The following PCDHA11 variants were observed in gnomAD, a reference collection of about 807,000 sequenced individuals.
PCDHA11 encodes the protein protocadherin alpha-11.
A neutral mutation model predicts 70.3 loss-of-function variants in PCDHA11; 61 were observed. That is an observed-to-expected ratio of 0.87 (90% CI 0.71 to 1.07). PCDHA11 has a LOEUF of 1.07. Among genes scored for constraint, PCDHA11 ranks in the 50% least tolerant of loss-of-function variants. PCDHA11 has a pLI of 0.00. For synonymous variants in PCDHA11, 633 were observed against 555.1 expected (o/e 1.14, Z -1.97); for missense variants, 1,324 against 1,237.5 (o/e 1.07, Z -1.05).
At chr5:140,930,208 A>G (rs939593947) in intron 1 of PCDHA11, 39 of 152,338 alleles carry the variant, frequency 2.6e-4, no homozygotes, top group African/African-American at 8.2e-4. Flanking sequence ...AGAAATATTT[A>G]TGTGTTCAAA....
At chr5:140,930,306 CAT>C (rs1554207728) in intron 1 of PCDHA11, 1 of 152,052 alleles carries the variant, frequency 6.6e-6, no homozygotes, top group East Asian at 1.9e-4. Context: ...AAGTAAATAT[CAT>C]ATTTGAGAGT....
intron 1 of PCDHA11, chr5:140,929,246 C>A: frequency 6.2e-7 from 1 of 1,613,738 alleles, no homozygotes; most frequent in Non-Finnish European, 8.5e-7. Flanking sequence ...AATCTTGCCA[C>A]TGGGGTAGGA....
chr5:140,941,191 T>TTTCTTTCTTTCTTTC lies in PCDHA11; in HGVS notation c.2392-37756_2392-37755insCTTTCTTTCTTTCTT, dbSNP rs1487503403. Among the ~76,000 whole-genome samples, 17 of 93,258 alleles carry TTTCTTTCTTTCTTTC rather than the reference T, an allele frequency of 1.8e-4. No individual in the cohort carries two copies. The South Asian group carries it at 2.0e-3, about 11-fold the overall frequency. The allele number at this position is 93,258 out of a possible 152,430, so 61.2% of individuals were successfully genotyped here. A position where few individuals can be genotyped will look rare whatever the true frequency, so the allele number is the denominator to read the frequency against. ...CATCTTGAACATCCTGCTTCTTTTT[T>TTTCTTTCTTTCTTTC]TTTCTTTCTTCCTTTCTTTCTTCCT... On this transcript the variant is annotated intron_variant, in intron 1 of 3. Coordinates refer to ENST00000398640, the MANE Select transcript of PCDHA11 (RefSeq NM_018902.5).
intron 1 of PCDHA11, among the ~76,000 whole-genome samples, chr5:140,909,911 A>T (rs747486870): frequency 1.3e-5 from 2 of 152,144 alleles, no homozygotes; most frequent in Non-Finnish European, 2.9e-5. Flanking sequence ...AATGGCAATC[A>T]TTTCCCTTTC....
At position 141,009,798 on chromosome 5, in the gene PCDHA11, A is replaced by T; in HGVS notation, c.2711A>T (p.Asn904Ile). 1 of 1,614,116 alleles carries T rather than the reference A, an allele frequency of 6.2e-7. No individual in the cohort carries two copies. The highest frequency in any genetic ancestry group is 2.2e-5 in the East Asian group (1 of 44,868). Residue 904 changes from asparagine (N) to isoleucine (I), a missense_variant, in exon 4 of 4, where the codon AAC (asparagine) becomes ATC (isoleucine). Asn to Ile is a moderately radical substitution (Grantham distance 149). Coordinates refer to ENST00000398640, the MANE Select transcript of PCDHA11 (RefSeq NM_018902.5). The stretch of plus-strand genomic sequence containing the variant: ...ATCTCCATCCGGCAGGAGCCTACTA[A>T]CAGCCAAATTGACAAAAGTGACTTC... Reference protein sequence around the residue: ...AIISIRQEPTNSQIDKSDFIT... With the variant: ...AIISIRQEPTISQIDKSDFIT...
At chr5:140,928,082 T>A (rs1387313022) in intron 1 of PCDHA11, 4 of 1,614,094 alleles carry the variant, frequency 2.5e-6, no homozygotes, top group Admixed American at 3.3e-5. Context: ...TACTACAGCC[T>A]GCTGATTGAT....
chr5:141,001,213 A>G (rs2097997873), intron 3 of PCDHA11, among the ~76,000 whole-genome samples: 1 of 152,154 alleles, frequency 6.6e-6, no homozygotes, highest in African/African-American at 2.4e-5. Context: ...TGTGCTGTAT[A>G]AGGATAGTTA....
chr5:140,905,918 T>G (rs536445399), intron 1 of PCDHA11, among the ~76,000 whole-genome samples: 1 of 152,280 alleles, frequency 6.6e-6, no homozygotes, highest in Non-Finnish European at 1.5e-5. Context: ...GAATCCAATC[T>G]GAGTCCCAAA....
intron 1 of PCDHA11, among the ~76,000 whole-genome samples, chr5:140,881,114 T>A (rs2058590741): frequency 6.6e-6 from 1 of 152,204 alleles, no homozygotes; most frequent in Admixed American, 6.5e-5. Context: ...GGCCTGGGAT[T>A]TTGTGGCTTG....
intron 1 of PCDHA11, chr5:140,877,232 C>A: frequency 6.2e-6 from 10 of 1,613,680 alleles, no homozygotes; most frequent in Non-Finnish European, 7.6e-6. Context: ...TCGGTGGGTG[C>A]GGGCCACGTG....
chr5:140,955,073 C>T (rs2095133365), intron 1 of PCDHA11, among the ~76,000 whole-genome samples: 1 of 152,146 alleles, frequency 6.6e-6, no homozygotes, highest in South Asian at 2.1e-4. Context: ...TGTTGAAGAT[C>T]AGATGGTTGT....
chr5:140,962,619 T>C (rs1405135656), intron 1 of PCDHA11, among the ~76,000 whole-genome samples: 1 of 152,212 alleles, frequency 6.6e-6, no homozygotes, highest in East Asian at 1.9e-4. Context: ...GGAAGGGAGA[T>C]GTGAAAAAAT....
chr5:140,876,732 C>T, intron 1 of PCDHA11: 1 of 1,614,246 alleles, frequency 6.2e-7, no homozygotes, highest in South Asian at 1.1e-5. Context: ...GCGTGTCGGC[C>T]TATGAGCTGG....
chr5:141,005,417 T>G (rs1323051159), intron 3 of PCDHA11, among the ~76,000 whole-genome samples: 2 of 152,062 alleles, frequency 1.3e-5, no homozygotes, highest in African/African-American at 4.8e-5. Context: ...TGAGGAGTCA[T>G]GCTAAGAATG....
intron 3 of PCDHA11, among the ~76,000 whole-genome samples, chr5:140,985,188 C>T (rs1186148399): frequency 6.6e-6 from 1 of 152,192 alleles, no homozygotes; most frequent in African/African-American, 2.4e-5. Context: ...CCGCCTGCCT[C>T]GGTCTCCCAA....
chr5:140,998,228 T>G (rs528236708), intron 3 of PCDHA11, among the ~76,000 whole-genome samples: 1 of 152,288 alleles, frequency 6.6e-6, no homozygotes, highest in East Asian at 1.9e-4. Flanking sequence ...ACCCAGAAAT[T>G]TGTGCATTAT....
At chr5:140,966,993 G>A in intron 1 of PCDHA11, 4 of 1,604,524 alleles carry the variant, frequency 2.5e-6, no homozygotes, top group Non-Finnish European at 3.4e-6. Context: ...GGGCCGGGTT[G>A]CTTGCGCATC....
intron 1 of PCDHA11, among the ~76,000 whole-genome samples, chr5:140,939,071 G>C (rs1376380334): frequency 2.0e-5 from 3 of 152,140 alleles, no homozygotes; most frequent in African/African-American, 7.2e-5. Context: ...TATCAAAATA[G>C]CATAAACTGG....
At position 141,010,080 on chromosome 5, in the gene PCDHA11, G is replaced by C. The variant is rs2098415967; in HGVS notation, c.*143G>C. On this transcript the variant is annotated 3_prime_UTR_variant, in exon 4 of 4. Transcript: ENST00000398640. The stretch of plus-strand genomic sequence containing the variant: ...AATCTGCAGAAAGTTCCCTGTGTCT[G>C]TCTAGAACGCATTTAACAGGTTTTG... 1 of 1,611,462 alleles carries C rather than the reference G, an allele frequency of 6.2e-7. No homozygotes were observed. The highest frequency in any genetic ancestry group is 1.1e-5 in the South Asian group (1 of 90,590).
Sources: gnomAD v4.1 joint callset for allele counts (sites outside exome capture counted in the v4.1 genomes callset) on GRCh38, gnomAD v4.1.1 for gene constraint, MANE v1.5 for transcripts, NCBI Gene and HGNC (gene_info 2026-07-23, HGNC 2026-07-21) for gene names.